RIMS2: variants seen among roughly 807,000 people sequenced by gnomAD.
RIMS2 encodes the protein regulating synaptic membrane exocytosis protein 2.
In RIMS2, 59 loss-of-function variants were observed where a neutral mutation model predicts 174.4. That is an observed-to-expected ratio of 0.34 (90% confidence interval 0.27 to 0.42). The LOEUF is 0.42. Among genes scored for constraint, RIMS2 ranks in the 10% least tolerant of loss-of-function variants. RIMS2 has a pLI of 1.00. For synonymous variants in RIMS2, 606 were observed against 572.5 expected (o/e 1.06, Z -0.84); for missense variants, 1,620 against 1,666.3 (o/e 0.97, Z 0.48).
intron 19 of RIMS2, among the ~76,000 whole-genome samples, chr8:104,029,571 A>C (rs958969005): frequency 1.3e-5 from 2 of 152,168 alleles, no homozygotes; most frequent in Admixed American, 6.6e-5. Flanking sequence ...CTTTTCTGTT[A>C]CCAGCATATG....
intron 1 of RIMS2, among the ~76,000 whole-genome samples, chr8:103,667,866 G>A (rs565280564): frequency 6.6e-6 from 1 of 152,172 alleles, no homozygotes; most frequent in East Asian, 1.9e-4. Context: ...GATCTTCTGA[G>A]TTGTGAGATT....
In RIMS2 at chr8:104,181,466, C is replaced by A. The variant is rs575591463; in HGVS notation, c.3335-63450C>A. 1.3e-4 allele frequency among the ~76,000 whole-genome samples: 20 copies of A among 151,650 alleles called. No homozygotes were observed. In the East Asian group the frequency reaches 2.3e-3, roughly 18 times the overall value. ...AAGTAGGTAAAATCTTTAATCTGAG[C>A]CGTCAACCCTTTCTGTTGTAATTTC... On this transcript the variant is annotated intron_variant, in intron 19 of 23. Transcript: ENST00000504942.
chr8:103,575,627 T>C (rs1451214171), intron 1 of RIMS2, among the ~76,000 whole-genome samples: 1 of 148,818 alleles, frequency 6.7e-6, no homozygotes, highest in Non-Finnish European at 1.5e-5. Context: ...TTATATAATA[T>C]ATATTTATGT....
chr8:104,098,666 C>A (rs1442757065), intron 19 of RIMS2, among the ~76,000 whole-genome samples: 2 of 152,052 alleles, frequency 1.3e-5, no homozygotes, highest in African/African-American at 4.8e-5. Context: ...TTCAAATTTT[C>A]ATGAATAACT....
intron 1 of RIMS2, among the ~76,000 whole-genome samples, chr8:103,592,404 A>G (rs1387536508): frequency 1.3e-5 from 2 of 151,268 alleles, no homozygotes; most frequent in Non-Finnish European, 3.0e-5. Context: ...TGTCTTGCAA[A>G]GTAGAGCACT....
intron 17 of RIMS2, among the ~76,000 whole-genome samples, chr8:104,004,194 A>G (rs892795835): frequency 6.6e-6 from 1 of 152,184 alleles, no homozygotes; most frequent in African/African-American, 2.4e-5. Context: ...GCTACAGAGT[A>G]ATTTCAGAGT....
At chr8:103,668,973 G>A (rs1188167298) in intron 1 of RIMS2, among the ~76,000 whole-genome samples, 1 of 152,160 alleles carries the variant, frequency 6.6e-6, no homozygotes, top group East Asian at 1.9e-4. Flanking sequence ...TCCAAATTAA[G>A]TGTGTAGCAT....
intron 14 of RIMS2, among the ~76,000 whole-genome samples, chr8:103,946,460 C>A (rs1375866179): frequency 6.6e-6 from 1 of 152,054 alleles, no homozygotes; most frequent in Non-Finnish European, 1.5e-5. Context: ...CCACTGCACT[C>A]CAGCCTGGGT....
At chr8:104,128,558 G>A (rs539779554) in intron 19 of RIMS2, among the ~76,000 whole-genome samples, 2 of 152,200 alleles carry the variant, frequency 1.3e-5, no homozygotes, top group African/African-American at 2.4e-5. Flanking sequence ...TTAGCTGGGC[G>A]TAGTGGCACA....
At chr8:103,983,640 A>G (rs1210790557) in intron 16 of RIMS2, among the ~76,000 whole-genome samples, 1 of 152,224 alleles carries the variant, frequency 6.6e-6, no homozygotes, top group African/African-American at 2.4e-5. Context: ...AAGAGTATAC[A>G]TTGGAGAAAG....
intron 19 of RIMS2, among the ~76,000 whole-genome samples, chr8:104,158,051 A>G (rs2098735715): frequency 6.6e-6 from 1 of 151,886 alleles, no homozygotes; most frequent in African/African-American, 2.4e-5. Flanking sequence ...TCCTAACGCT[A>G]TCCCTCCCCC....
intron 1 of RIMS2, among the ~76,000 whole-genome samples, chr8:103,688,600 T>C (rs1472288301): frequency 6.6e-6 from 1 of 152,110 alleles, no homozygotes; most frequent in Non-Finnish European, 1.5e-5. Context: ...GGCTTTAGTA[T>C]CAGGGTAATG....
intron 3 of RIMS2, among the ~76,000 whole-genome samples, chr8:103,830,010 A>G (rs2098815833): frequency 6.6e-6 from 1 of 152,088 alleles, no homozygotes; most frequent in East Asian, 1.9e-4. Context: ...TAATATTTTT[A>G]TTTAAGTTGA....
chr8:104,053,952 G>A (rs2096829523), intron 19 of RIMS2, among the ~76,000 whole-genome samples: 2 of 152,052 alleles, frequency 1.3e-5, no homozygotes, highest in Admixed American at 1.3e-4. Flanking sequence ...AATTCAGAAA[G>A]GGATATTTAA....
chr8:104,240,997 G>T (rs1352302791), intron 19 of RIMS2, among the ~76,000 whole-genome samples: 5 of 152,064 alleles, frequency 3.3e-5, no homozygotes, highest in Admixed American at 6.6e-5. Context: ...CACAGAGAGG[G>T]TATGTAACTT....
intron 19 of RIMS2, among the ~76,000 whole-genome samples, chr8:104,185,298 T>C (rs531221450): frequency 5.9e-4 from 89 of 151,638 alleles, no homozygotes; most frequent in African/African-American, 2.0e-3. Context: ...GGGTTATATG[T>C]AGGTTTTTAA....
Position 103,880,857 on chromosome 8 carries a change from A to T in RIMS2, c.699-4441A>T, listed in dbSNP as rs868585242. ...ATTATATACTTCTGTTAAATCCTTG[A>T]TTTAATGTGTTTTAACAATTTAAAA... On this transcript the variant is annotated intron_variant, in intron 3 of 23. Transcript: ENST00000504942. 4.6e-4 allele frequency among the ~76,000 whole-genome samples: 69 copies of T among 151,590 alleles called. No individual in the cohort carries two copies. The Middle Eastern group carries it at 0.021, about 45-fold the overall frequency.
chr8:103,850,874 C>A (rs2098994166), intron 3 of RIMS2, among the ~76,000 whole-genome samples: 1 of 151,896 alleles, frequency 6.6e-6, no homozygotes, highest in South Asian at 2.1e-4. Context: ...CTGGATAAGA[C>A]AACTAATTAT....
At chr8:103,548,588 A>T (rs1005298523) in intron 1 of RIMS2, among the ~76,000 whole-genome samples, 4 of 152,196 alleles carry the variant, frequency 2.6e-5, no homozygotes, top group African/African-American at 9.6e-5. Context: ...AGCTGGAAAC[A>T]TTTATCTTGA....
Sources: gnomAD v4.1 joint callset for allele counts (sites outside exome capture counted in the v4.1 genomes callset) on GRCh38, gnomAD v4.1.1 for gene constraint, MANE v1.5 for transcripts, NCBI Gene and HGNC (gene_info 2026-07-23, HGNC 2026-07-21) for gene names.